Variants in ARHGAP22 observed in about 807,000 individuals in gnomAD.
ARHGAP22 encodes Rho GTPase activating protein 22, also known as rho GTPase-activating protein 22.
In ARHGAP22, 48 loss-of-function variants were observed where a neutral mutation model predicts 59.1. That is an observed-to-expected ratio of 0.81 (90% CI 0.64 to 1.03). The LOEUF is 1.03. Among genes scored for constraint, ARHGAP22 ranks in the 50% least tolerant of loss-of-function variants. The pLI is 0.00. For synonymous variants in ARHGAP22, 445 were observed against 416.4 expected, an observed-to-expected ratio of 1.07 and a Z score of -0.84; for missense variants, 1,015 against 958.7, an observed-to-expected ratio of 1.06 and a Z score of -0.78.
At chr10:48,470,916 C>G (rs1278560614) in intron 4 of ARHGAP22, among the ~76,000 whole-genome samples, 1 of 152,220 alleles carries the variant, frequency 6.6e-6, no homozygotes, top group Non-Finnish European at 1.5e-5. Context: ...GGCAGCCTGG[C>G]CTGGGGGTAA....
At chr10:48,604,723 A>G (rs2060583719) in intron 1 of ARHGAP22, 40 bp downstream of exon 1, 2 of 1,614,082 alleles carry the variant, frequency 1.2e-6, no homozygotes, top group South Asian at 1.1e-5. Context: ...GCCAAGAGGC[A>G]CATGCGGTGC....
intron 5 of ARHGAP22, among the ~76,000 whole-genome samples, chr10:48,457,025 G>A (rs1312055444): frequency 5.9e-5 from 9 of 152,110 alleles, no homozygotes; most frequent in Admixed American, 2.6e-4. Flanking sequence ...CGGAGGGTGG[G>A]GGCAGGGGTG....
intron 3 of ARHGAP22, among the ~76,000 whole-genome samples, chr10:48,509,235 A>G (rs2052493812): frequency 6.6e-6 from 1 of 152,168 alleles, no homozygotes; most frequent in African/African-American, 2.4e-5. Context: ...AGCCTGGCGC[A>G]GGATGTGCTC....
chr10:48,442,317 A>C (rs1395368393), downstream of ARHGAP22, among the ~76,000 whole-genome samples: 1 of 152,146 alleles, frequency 6.6e-6, no homozygotes, highest in Non-Finnish European at 1.5e-5. Flanking sequence ...GGGGGTGGCA[A>C]GTGCTCGGTG....
rs1049250283 is a variant in ARHGAP22, at chr10:48,446,251, G to A, written c.*140C>T. ...GTGTGGGGTCCCAAAAGTCCCCACA[G>A]TCCCCACAGAGGTATCAGGATCTCT... On this transcript the variant is annotated 3_prime_UTR_variant, in exon 10 of 10. Coordinates refer to ENST00000249601, the MANE Select transcript of ARHGAP22 (RefSeq NM_021226.4). 1.3e-5 allele frequency: 11 copies of A among 873,132 alleles called. No individual in the cohort carries two copies. In the African/African-American group the frequency reaches 1.9e-4, roughly 15 times the overall value. The allele number at this position is 873,132 out of a possible 1,614,324, so 54.1% of individuals were successfully genotyped here.
intron 3 of ARHGAP22, among the ~76,000 whole-genome samples, chr10:48,544,184 C>G (rs1389195741): frequency 6.6e-6 from 1 of 152,056 alleles, no homozygotes; most frequent in Non-Finnish European, 1.5e-5. Context: ...GTCTGCATAT[C>G]GTACTTCACA....
chr10:48,642,126 T>G (rs2062074663), intron 1 of ARHGAP22, among the ~76,000 whole-genome samples: 1 of 152,134 alleles, frequency 6.6e-6, no homozygotes, highest in South Asian at 2.1e-4. Context: ...TACTCATGGA[T>G]AGGAAGAATC....
chr10:48,555,492 G>A lies in ARHGAP22; in HGVS notation c.293C>T (p.Pro98Leu), dbSNP rs1005992723. 6.2e-7 allele frequency: 1 copy of A among 1,614,190 alleles called. No individual in the cohort carries two copies. ...GCTGATCTCAAAGAGGTGCTTCCCT[G>A]GGTCCTCGGGGCCAGGAGGAAGTTC... is the stretch of plus-strand genomic sequence containing the variant. ...VTELPPGPED[P>L]GKHLFEISPG... Residue 98 changes from proline to leucine, a missense_variant, in exon 3 of 10, where the codon CCA becomes CTA. Coordinates refer to ENST00000249601, the MANE Select transcript of ARHGAP22 (RefSeq NM_021226.4).
chr10:48,450,855 A>G lies in ARHGAP22; in HGVS notation c.1274T>C (p.Leu425Pro), dbSNP rs778784414. 5.0e-6 allele frequency: 8 copies of G among 1,591,230 alleles called. No homozygotes were observed. The South Asian group carries it at 6.9e-5, about 14-fold the overall frequency. Reference sequence around the variant, plus strand: ...CCGGAAGGAGGACTTCCAACTGGGCAGGGTCTGCACCTTCTTCCCAGGGCT... The same window carrying G: ...CCGGAAGGAGGACTTCCAACTGGGCGGGGTCTGCACCTTCTTCCCAGGGCT... ...RCSPGKKVQTLPSWKSSFRQP... is the reference protein window; with the variant it reads ...RCSPGKKVQTPPSWKSSFRQP... Residue 425 changes from leucine (L) to proline (P), a missense_variant, in exon 9 of 10, where the codon CTG becomes CCG. Transcript: ENST00000249601.
intron 1 of ARHGAP22, among the ~76,000 whole-genome samples, chr10:48,620,185 CAG>C (rs2061234681): frequency 6.6e-6 from 1 of 151,978 alleles, no homozygotes; most frequent in African/African-American, 2.4e-5. Flanking sequence ...CAGTTCCTCA[CAG>C]AGTTTATTGG....
At chr10:48,614,428 G>GGATTA (rs1288710818) in intron 1 of ARHGAP22, among the ~76,000 whole-genome samples, 3 of 152,136 alleles carry the variant, frequency 2.0e-5, no homozygotes, top group Non-Finnish European at 4.4e-5. Flanking sequence ...GGAACATTAT[G>GGATTA]GATTACATGC....
the ARHGAP22 span, among the ~76,000 whole-genome samples, chr10:48,433,083 G>A: frequency 1.3e-5 from 2 of 152,122 alleles, no homozygotes; most frequent in African/African-American, 4.8e-5. Flanking sequence ...TGCCTTGAGT[G>A]TATAGAGGCT....
At chr10:48,588,936 C>T (rs1469764573) in intron 1 of ARHGAP22, among the ~76,000 whole-genome samples, 2 of 152,176 alleles carry the variant, frequency 1.3e-5, no homozygotes, top group Admixed American at 6.5e-5. Context: ...TCGAAGGATA[C>T]TAGAGTGTGG....
intron 3 of ARHGAP22, among the ~76,000 whole-genome samples, chr10:48,530,152 G>A (rs1051795020): frequency 6.9e-6 from 1 of 145,808 alleles, no homozygotes; most frequent in East Asian, 2.2e-4. Context: ...CAGGAGAATT[G>A]CTTGAACCCA....
chr10:48,460,011 T>C, intron 4 of ARHGAP22, 120 bp from the exon 5 acceptor site: 1 of 999,922 alleles, frequency 1.0e-6, no homozygotes, highest in Non-Finnish European at 1.5e-6. Flanking sequence ...GGAAGCAAAT[T>C]ACACACTGGG....
chr10:48,647,153 G>T (rs528018060), intron 1 of ARHGAP22, among the ~76,000 whole-genome samples: 29 of 152,096 alleles, frequency 1.9e-4, no homozygotes, highest in African/African-American at 6.5e-4. Context: ...CAACACTTTC[G>T]CAGGCTGAGA....
chr10:48,592,809 C>A (rs565600740), intron 1 of ARHGAP22, among the ~76,000 whole-genome samples: 1 of 152,232 alleles, frequency 6.6e-6, no homozygotes. Context: ...CTCAGATATT[C>A]CCTGCTCCCA....
intron 3 of ARHGAP22, among the ~76,000 whole-genome samples, chr10:48,529,479 AAGCACCCCC>A (rs2134907583): frequency 6.6e-6 from 1 of 152,316 alleles, no homozygotes. Context: ...TCGTCAGGGA[AAGCACCCCC>A]TTGTAAACAG....
chr10:48,524,158 C>T, intron 3 of ARHGAP22: 1 of 1,194,066 alleles, frequency 8.4e-7, no homozygotes, highest in Non-Finnish European at 1.0e-6. Context: ...GCCGCCTGCG[C>T]CCCGGGGCGG....
Sources: allele counts gnomAD v4.1 joint callset (sites outside exome capture counted in the v4.1 genomes callset), GRCh38; gene constraint gnomAD v4.1.1; transcripts MANE v1.5; gene names NCBI Gene and HGNC (gene_info 2026-07-23, HGNC 2026-07-21).